Variants in DCAF13 observed in about 807,000 individuals in gnomAD.
The protein encoded by DCAF13 is DDB1 and CUL4 associated factor 13.
DCAF13 carries 38 observed loss-of-function variants against 59.0 expected under a neutral mutation model. That is an observed-to-expected ratio of 0.64 (90% CI 0.50 to 0.84). The LOEUF (loss-of-function observed/expected upper bound fraction) is 0.84, where lower values mean the gene tolerates loss of function less well. Among genes scored for constraint, DCAF13 ranks in the 40% least tolerant of loss-of-function variants. The probability of loss-of-function intolerance (pLI) is 0.00; values close to 1 mark genes in which losing one functional copy is unlikely to be tolerated. For synonymous variants in DCAF13, 173 were observed against 175.0 expected (o/e 0.99, Z 0.09); for missense variants, 469 against 558.4 (o/e 0.84, Z 1.61).
rs140817247 is a variant in DCAF13, at chr8:103,420,451, G to A, written c.258G>A (p.Ala86=). ...PEKLATVLSG[A]CDGEVRIWNL... The stretch of plus-strand genomic sequence containing the variant: ...AGCTGGCTACTGTCCTTTCTGGGGC[G>A]TGTGATGGAGAGGCAAGTGTCAATC... The change falls in exon 2 of 11, where the codon GCG becomes GCA. Residue 86 remains alanine, a synonymous_variant. Coordinates refer to ENST00000612750, the MANE Select transcript of DCAF13 (RefSeq NM_015420.7). The A allele has an allele frequency of 4.4e-5, 71 of 1,613,292 alleles. No homozygotes were observed. In the African/African-American group the frequency reaches 4.9e-4, roughly 11 times the overall value.
chr8:103,421,769 G>A (rs1331304300), intron 3 of DCAF13, among the ~76,000 whole-genome samples: 1 of 152,136 alleles, frequency 6.6e-6, no homozygotes, highest in Non-Finnish European at 1.5e-5. Context: ...TGTCTTCAAG[G>A]TTTATCCATG....
At chr8:103,417,893 G>A (rs775798982) in intron 1 of DCAF13, among the ~76,000 whole-genome samples, 1 of 152,106 alleles carries the variant, frequency 6.6e-6, no homozygotes, top group Non-Finnish European at 1.5e-5. Context: ...GCCGAGGCGG[G>A]AAGATCACGA....
At chr8:103,433,802 A>G (rs997136631) in intron 7 of DCAF13, among the ~76,000 whole-genome samples, 1 of 152,108 alleles carries the variant, frequency 6.6e-6, no homozygotes, top group African/African-American at 2.4e-5. Context: ...ATTAACTAGC[A>G]ATACCAAACC....
At chr8:103,440,079 GT>G in intron 8 of DCAF13, 56 bp from the exon 9 acceptor site, 2 of 1,195,240 alleles carry the variant, frequency 1.7e-6, no homozygotes, top group Non-Finnish European at 2.3e-6. Flanking sequence ...ATAGGCAGTG[GT>G]TACTCAAAAT....
intron 3 of DCAF13, among the ~76,000 whole-genome samples, chr8:103,424,251 TCTC>T (rs1816760225): frequency 6.6e-6 from 1 of 152,122 alleles, no homozygotes; most frequent in African/African-American, 2.4e-5. Flanking sequence ...ATGGTCTCGA[TCTC>T]CTGACCTAGT....
chr8:103,417,147 A>G (rs745661380), intron 1 of DCAF13, among the ~76,000 whole-genome samples: 3 of 152,254 alleles, frequency 2.0e-5, no homozygotes, highest in Non-Finnish European at 2.9e-5. Flanking sequence ...AGTGATTGAA[A>G]TCACATCTGT....
chr8:103,435,518 A>T, intron 7 of DCAF13, 108 bp from the exon 8 acceptor site: 1 of 887,594 alleles, frequency 1.1e-6, no homozygotes, highest in Non-Finnish European at 1.6e-6. Flanking sequence ...CTTTTTGTTT[A>T]GATGTGCATT....
At chr8:103,424,486 G>C (rs537998487) in intron 3 of DCAF13, among the ~76,000 whole-genome samples, 1 of 152,286 alleles carries the variant, frequency 6.6e-6, no homozygotes, top group South Asian at 2.1e-4. Flanking sequence ...ATACCAGTTT[G>C]TAATACCAAC....
intron 7 of DCAF13, among the ~76,000 whole-genome samples, chr8:103,434,419 C>T (rs906098692): frequency 6.6e-6 from 1 of 152,030 alleles, no homozygotes; most frequent in African/African-American, 2.4e-5. Context: ...AATAAAGCAT[C>T]TTACTAAAAA....
At chr8:103,442,662 C>A in intron 10 of DCAF13, 133 bp from the exon 11 acceptor site, 1 of 555,176 alleles carries the variant, frequency 1.8e-6, no homozygotes, top group Non-Finnish European at 3.1e-6. Context: ...TTCCTTTTAC[C>A]TATTGTCATC....
chr8:103,432,662 A>T lies in DCAF13; in HGVS notation c.706A>T (p.Ile236Phe). 2.5e-6 allele frequency: 4 copies of T among 1,579,432 alleles called. No homozygotes were observed. The highest frequency in any genetic ancestry group is 3.5e-6 in the Non-Finnish European group (4 of 1,151,838). The change falls in exon 7 of 11, where the codon ATC becomes TTC. Residue 236 changes from isoleucine to phenylalanine, a missense_variant. Physicochemically the swap from Ile to Phe is conservative, Grantham distance 21. This residue lies in a region of DCAF13 where 355 missense variants were observed against 399.1 expected (regional missense o/e 0.89). Transcript: ENST00000612750. The part of the protein sequence containing the change: ...MRQATPLKKV[I>F]LDMRTNTICW... ...TCATCCATTCTTCCTTTCTCAGGTT[A>T]TCTTAGATATGAGAACAAATACAAT... is the stretch of plus-strand genomic sequence containing the variant.
intron 10 of DCAF13, chr8:103,441,916 C>T (rs1234427062): frequency 3.9e-6 from 1 of 254,164 alleles, no homozygotes; most frequent in Non-Finnish European, 7.5e-6. Context: ...CAGGCACGCG[C>T]CACCATGCGC....
chr8:103,418,858 A>T (rs185763960), intron 1 of DCAF13, among the ~76,000 whole-genome samples: 3,137 of 34,928 alleles, frequency 0.09, 148 homozygotes, highest in African/African-American at 0.13. Flanking sequence ...ATATATATAT[A>T]TATATATATT....
chr8:103,420,640 T>G, intron 2 of DCAF13, 177 bp downstream of exon 2: 1 of 631,646 alleles, frequency 1.6e-6, no homozygotes, highest in Non-Finnish European at 2.7e-6. Flanking sequence ...AAATTATAAA[T>G]GCAGTAGTTT....
chr8:103,443,393 T>C lies in DCAF13; in HGVS notation c.*511T>C, dbSNP rs1817036103. 6.6e-6 allele frequency: 1 copy of C among 152,048 alleles called. No individual in the cohort carries two copies. The highest frequency in any genetic ancestry group is 2.4e-5 in the African/African-American group (1 of 41,454). The allele number at this position is 152,048 out of a possible 1,614,324, so 9.4% of individuals were successfully genotyped here. ...AATCAGCCTGCATTTATATAACTTT[T>C]ATAAATAATAATATAATTTGGGTCA... is the stretch of plus-strand genomic sequence containing the variant. On this transcript the variant is annotated 3_prime_UTR_variant, in exon 11 of 11. Coordinates refer to ENST00000612750, the MANE Select transcript of DCAF13 (RefSeq NM_015420.7).
At chr8:103,425,386 C>T (rs925939897) in intron 3 of DCAF13, among the ~76,000 whole-genome samples, 2 of 152,190 alleles carry the variant, frequency 1.3e-5, no homozygotes, top group African/African-American at 4.8e-5. Flanking sequence ...TTTGGGCTAA[C>T]GTGCCAACAG....
At chr8:103,417,075 G>A (rs1260891553) in intron 1 of DCAF13, among the ~76,000 whole-genome samples, 4 of 152,142 alleles carry the variant, frequency 2.6e-5, no homozygotes, top group African/African-American at 4.8e-5. Context: ...TGAAGTACAG[G>A]CATTCTGCAC....
intron 8 of DCAF13, 80 bp from the exon 9 acceptor site, chr8:103,440,056 A>G (rs1816986998): frequency 1.7e-6 from 2 of 1,164,652 alleles, no homozygotes; most frequent in Admixed American, 5.7e-5. Context: ...CAGAAATAGT[A>G]TCCTGATACT....
intron 5 of DCAF13, chr8:103,428,503 C>T (rs1177623412): frequency 6.6e-6 from 1 of 152,114 alleles, no homozygotes; most frequent in Non-Finnish European, 1.5e-5. Flanking sequence ...TTTCTGATTC[C>T]TGGTCTGGAG....
Sources: allele counts gnomAD v4.1 joint callset (sites outside exome capture counted in the v4.1 genomes callset), GRCh38; gene constraint gnomAD v4.1.1; regional missense constraint gnomAD v4.1.1; transcripts MANE v1.5; gene names NCBI Gene and HGNC (gene_info 2026-07-23, HGNC 2026-07-21).